STK39: variants seen among roughly 807,000 people sequenced by gnomAD.
STK39 encodes the protein serine/threonine kinase 39.
In STK39, 20 loss-of-function variants were observed where a neutral mutation model predicts 77.8. The observed-to-expected ratio is 0.26, with a 90% CI of 0.18 to 0.37. The LOEUF is 0.37. STK39 is among the 10% of genes least tolerant of loss of function. The pLI, the probability that STK39 is intolerant of heterozygous loss-of-function variation, is 1.00. For missense variants in STK39, 479 were observed against 656.5 expected (o/e 0.73, Z 2.95); for synonymous variants, 246 against 234.1 (o/e 1.05, Z -0.47).
At chr2:168,074,521 A>G (rs1686024572) in intron 12 of STK39, among the ~76,000 whole-genome samples, 1 of 152,202 alleles carries the variant, frequency 6.6e-6, no homozygotes, top group Non-Finnish European at 1.5e-5. Context: ...GGAAGATTTA[A>G]AAACCAAGAC....
Position 168,158,385 on chromosome 2 carries a change from C to T in STK39, c.628+3402G>A, listed in dbSNP as rs562100400. On this transcript the variant is annotated intron_variant, in intron 5 of 17. Transcript: ENST00000355999. ...TTGAGCTTAATTCTATACCAAATGA[C>T]GCTTAGATGGCTGCTTCTCCTATGC... Among the ~76,000 whole-genome samples, 7 of 152,188 alleles carry T rather than the reference C, an allele frequency of 4.6e-5. No individual in the cohort carries two copies. In the South Asian group the frequency reaches 6.2e-4, roughly 14 times the overall value.
chr2:168,012,105 G>T (rs911922894), intron 16 of STK39, among the ~76,000 whole-genome samples: 1 of 152,048 alleles, frequency 6.6e-6, no homozygotes, highest in Non-Finnish European at 1.5e-5. Flanking sequence ...TCCAATAAAT[G>T]AGGCTCCTCA....
At chr2:168,161,294 C>A (rs2105584043) in intron 5 of STK39, among the ~76,000 whole-genome samples, 1 of 152,312 alleles carries the variant, frequency 6.6e-6, no homozygotes, top group African/African-American at 2.4e-5. Flanking sequence ...AAAAGACATT[C>A]ATTGCATCCC....
intron 17 of STK39, among the ~76,000 whole-genome samples, chr2:167,960,415 CTT>C (rs1055120301): frequency 2.6e-5 from 4 of 150,964 alleles, no homozygotes; most frequent in African/African-American, 7.3e-5. Context: ...TCATGTAAAA[CTT>C]AGATTAAATA....
At chr2:168,032,201 T>A (rs1684847127) in intron 14 of STK39, among the ~76,000 whole-genome samples, 1 of 152,218 alleles carries the variant, frequency 6.6e-6, no homozygotes. Context: ...TAATATGTAA[T>A]CGTATTTCAA....
intron 10 of STK39, among the ~76,000 whole-genome samples, chr2:168,122,384 T>A (rs1194320464): frequency 5.3e-5 from 8 of 152,314 alleles, no homozygotes; most frequent in Admixed American, 3.3e-4. Context: ...TTTATGGCTG[T>A]GTAGTATTCC....
chr2:167,987,546 T>A (rs979896275), intron 16 of STK39, among the ~76,000 whole-genome samples: 6 of 152,176 alleles, frequency 3.9e-5, no homozygotes, highest in Non-Finnish European at 8.8e-5. Context: ...GGCTGTCCAA[T>A]CATTTAATAA....
chr2:168,004,487 C>A (rs1186401821), intron 16 of STK39, among the ~76,000 whole-genome samples: 1 of 152,072 alleles, frequency 6.6e-6, no homozygotes, highest in South Asian at 2.1e-4. Flanking sequence ...AATCCCAGCA[C>A]TTTGGGAGGC....
rs1684703369 is a variant in STK39, at chr2:168,026,549, A to G, written c.1377-9454T>C. 2.6e-5 allele frequency among the ~76,000 whole-genome samples: 4 copies of G among 152,218 alleles called. No individual in the cohort carries two copies. The South Asian group carries it at 8.3e-4, about 32-fold the overall frequency. On this transcript the variant is annotated intron_variant, in intron 14 of 17. Coordinates refer to ENST00000355999, the MANE Select transcript of STK39 (RefSeq NM_013233.3). ...GTCAGGTTTGTGCCAGGAGCCATTA[A>G]CGGAAGAAATGACAACAGAACCTGG...
At chr2:168,094,331 T>C (rs1350600381) in intron 10 of STK39, among the ~76,000 whole-genome samples, 8 of 152,130 alleles carry the variant, frequency 5.3e-5, no homozygotes, top group East Asian at 1.9e-4. Context: ...AAATGAAAAG[T>C]TGTCTTTGTG....
At chr2:168,171,414 G>A (rs569680781) in intron 2 of STK39, among the ~76,000 whole-genome samples, 1 of 150,678 alleles carries the variant, frequency 6.6e-6, no homozygotes, top group Admixed American at 6.6e-5. Flanking sequence ...CTACAAATAT[G>A]AGGAGTTGGG....
chr2:168,140,317 G>A lies in STK39; in HGVS notation c.812C>T (p.Ala271Val), dbSNP rs754666662. The A allele has an allele frequency of 1.9e-6, 3 of 1,613,924 alleles. No individual in the cohort carries two copies. Among genetic ancestry groups the A allele is most frequent in the Non-Finnish European group, 2.5e-6 (3 of 1,179,848 alleles). Reference sequence around the variant, plus strand: ...CATGGGAGGATATTTGTGATAAGGCGCTGCTCCTGTTGCTAATTCAATGGC... The same window carrying A: ...CATGGGAGGATATTTGTGATAAGGCACTGCTCCTGTTGCTAATTCAATGGC... Reference protein sequence around the residue: ...ITAIELATGAAPYHKYPPMKV... With the variant: ...ITAIELATGAVPYHKYPPMKV... The change falls in exon 7 of 18, where the codon GCG becomes GTG. Residue 271 changes from alanine (A) to valine (V), a missense_variant. Physicochemically the swap from Ala to Val is moderately conservative, Grantham distance 64. Around this residue, in one of 3 missense-constraint regions of STK39, gnomAD observed 139 missense variants for 280.6 expected, o/e 0.50. Coordinates refer to ENST00000355999, the MANE Select transcript of STK39 (RefSeq NM_013233.3).
chr2:168,007,741 G>A (rs1684167561), intron 16 of STK39, among the ~76,000 whole-genome samples: 1 of 152,112 alleles, frequency 6.6e-6, no homozygotes, highest in Admixed American at 6.5e-5. Context: ...GGGGTGGGGT[G>A]AGCAAGGGGA....
chr2:167,954,346 C>G lies in STK39; in HGVS notation c.*1150G>C, dbSNP rs186452201. 1 of 152,672 alleles carries G rather than the reference C, an allele frequency of 6.5e-6. No individual in the cohort carries two copies. The highest frequency in any genetic ancestry group is 6.5e-5 in the Admixed American group (1 of 15,296). 9.5% of individuals were successfully genotyped at this position (152,672 alleles called of 1,614,324 possible). On this transcript the variant is annotated 3_prime_UTR_variant, in exon 18 of 18. Coordinates refer to ENST00000355999, the MANE Select transcript of STK39 (RefSeq NM_013233.3). The stretch of plus-strand genomic sequence containing the variant: ...ACTAGTTCCATAATATACAGTCAAG[C>G]AGAGGGCTACTTGGGTTGAAAGTAT...
chr2:168,196,190 C>G (rs190929654), intron 1 of STK39, among the ~76,000 whole-genome samples: 22 of 152,308 alleles, frequency 1.4e-4, no homozygotes, highest in Admixed American at 9.2e-4. Context: ...TACATGATCA[C>G]CTCAATTTAC....
chr2:168,235,754 T>C (rs56182700), intron 1 of STK39, among the ~76,000 whole-genome samples: 1,747 of 152,130 alleles, frequency 0.011, 32 homozygotes, highest in African/African-American at 0.04. Flanking sequence ...GGTTTCCAGC[T>C]TCATCCATGT....
rs538151097 is a variant in STK39 at position 167,980,048 on chromosome 2, C to A, written c.1499-15322G>T. Among the ~76,000 whole-genome samples, 6 of 152,306 alleles carry A rather than the reference C, an allele frequency of 3.9e-5. No individual in the cohort carries two copies. In the East Asian group the frequency reaches 7.7e-4, roughly 20 times the overall value. On this transcript the variant is annotated intron_variant, in intron 16 of 17. Coordinates refer to ENST00000355999, the MANE Select transcript of STK39 (RefSeq NM_013233.3). ...GCATATAAGCCAAAATACTCTAGGACTCTAATGACAATCTCACAACCACTG... is the reference window on the plus strand; with the variant it reads ...GCATATAAGCCAAAATACTCTAGGAATCTAATGACAATCTCACAACCACTG...
At chr2:168,006,994 G>C (rs901291768) in intron 16 of STK39, among the ~76,000 whole-genome samples, 2 of 152,194 alleles carry the variant, frequency 1.3e-5, no homozygotes, top group East Asian at 3.8e-4. Flanking sequence ...CCATATTCTA[G>C]TAAAACTGAT....
intron 5 of STK39, among the ~76,000 whole-genome samples, chr2:168,141,858 C>A (rs1185296242): frequency 2.0e-5 from 3 of 152,170 alleles, no homozygotes; most frequent in Admixed American, 6.5e-5. Context: ...TTAGCATTTG[C>A]TGTAGGCCTA....
Sources: allele counts gnomAD v4.1 joint callset (sites outside exome capture counted in the v4.1 genomes callset), GRCh38; gene constraint gnomAD v4.1.1; regional missense constraint gnomAD v4.1.1; transcripts MANE v1.5; gene names NCBI Gene and HGNC (gene_info 2026-07-23, HGNC 2026-07-21).